Variants in ROBO2 observed in about 807,000 individuals in gnomAD.
ROBO2 encodes roundabout guidance receptor 2, also known as roundabout homolog 2.
ROBO2 carries 53 observed loss-of-function variants against 160.8 expected under a neutral mutation model. That is an observed-to-expected ratio of 0.33 (90% CI 0.26 to 0.41). The LOEUF (loss-of-function observed/expected upper bound fraction) is 0.41. ROBO2 is among the 10% of genes least tolerant of loss of function. ROBO2 has a pLI of 1.00. For synonymous variants in ROBO2, 664 were observed against 611.7 expected, an observed-to-expected ratio of 1.09 and a Z score of -1.26; for missense variants, 1,577 against 1,722.4, an observed-to-expected ratio of 0.92 and a Z score of 1.49.
At chr3:76,805,326 C>T (rs530683615) in intron 2 of ROBO2, among the ~76,000 whole-genome samples, 1 of 152,080 alleles carries the variant, frequency 6.6e-6, no homozygotes, top group South Asian at 2.1e-4. Flanking sequence ...GGAATATCTA[C>T]TTTTCTTTTA....
intron 14 of ROBO2, among the ~76,000 whole-genome samples, chr3:77,575,361 TA>T (rs993980941): frequency 6.6e-6 from 1 of 151,856 alleles, no homozygotes; most frequent in African/African-American, 2.4e-5. Context: ...TCATTAAAGT[TA>T]AAAAAAAGGA....
chr3:77,160,876 T>C (rs1283856794), intron 2 of ROBO2, among the ~76,000 whole-genome samples: 12 of 152,206 alleles, frequency 7.9e-5, no homozygotes, highest in Non-Finnish European at 1.5e-4. Context: ...TAAAATTGTA[T>C]GTTGATTTTG....
chr3:77,235,857 G>A (rs1207125641), intron 2 of ROBO2, among the ~76,000 whole-genome samples: 1 of 152,004 alleles, frequency 6.6e-6, no homozygotes, highest in African/African-American at 2.4e-5. Flanking sequence ...ACATACATAG[G>A]CCCCCTCACT....
chr3:76,836,832 T>C (rs2109433514), intron 2 of ROBO2, among the ~76,000 whole-genome samples: 1 of 152,028 alleles, frequency 6.6e-6, no homozygotes, highest in African/African-American at 2.4e-5. Context: ...AAACATTCCT[T>C]AAAAACTTGA....
At chr3:76,072,892 C>CAAA (rs1559888404) in intron 2 of ROBO2, among the ~76,000 whole-genome samples, 1 of 152,172 alleles carries the variant, frequency 6.6e-6, no homozygotes, top group Non-Finnish European at 1.5e-5. Flanking sequence ...CCTATTCAGA[C>CAAA]CTCTGTTTCC....
At chr3:77,581,819 G>A (rs760460039) in intron 16 of ROBO2, among the ~76,000 whole-genome samples, 26 of 151,890 alleles carry the variant, frequency 1.7e-4, no homozygotes, top group African/African-American at 5.6e-4. Context: ...TTCTATTTGC[G>A]CTCTTAATTA....
chr3:76,388,133 T>C (rs1025600502), intron 2 of ROBO2, among the ~76,000 whole-genome samples: 2 of 151,170 alleles, frequency 1.3e-5, no homozygotes, highest in African/African-American at 4.9e-5. Flanking sequence ...ACTTGTCCCT[T>C]TGTAGATCTC....
At chr3:77,563,168 G>T (rs1469426583) in exon 11 of ROBO2, 1 of 1,613,050 alleles carries the variant, frequency 6.2e-7, no homozygotes, top group South Asian at 1.1e-5. Flanking sequence ...CCTCTATAGA[G>T]TCTGGAGCAA....
intron 2 of ROBO2, among the ~76,000 whole-genome samples, chr3:76,049,403 A>ATATTTTTTTTTTTT (rs1414664360): frequency 1.9e-5 from 1 of 53,752 alleles, no homozygotes; most frequent in African/African-American, 1.5e-4. Context: ...ATATATATAT[A>ATATTTTTTTTTTTT]TTTTTTTTTT....
chr3:76,856,076 A>G (rs1482227628), intron 2 of ROBO2, among the ~76,000 whole-genome samples: 1 of 152,200 alleles, frequency 6.6e-6, no homozygotes, highest in Non-Finnish European at 1.5e-5. Context: ...CAGAAGCCCC[A>G]TGAGCAGATA....
At chr3:76,199,238 G>C (rs1472831831) in intron 2 of ROBO2, among the ~76,000 whole-genome samples, 1 of 152,106 alleles carries the variant, frequency 6.6e-6, no homozygotes, top group Non-Finnish European at 1.5e-5. Context: ...GTAAGTGAGA[G>C]AAAGCCACCT....
chr3:75,945,389 A>T (rs1024128433), intron 2 of ROBO2, among the ~76,000 whole-genome samples: 3 of 152,166 alleles, frequency 2.0e-5, no homozygotes, highest in Non-Finnish European at 2.9e-5. Context: ...AGTTTGGAGT[A>T]GTAGAAGATT....
chr3:76,243,875 A>G (rs780461909), intron 2 of ROBO2, among the ~76,000 whole-genome samples: 1 of 152,234 alleles, frequency 6.6e-6, no homozygotes, highest in Admixed American at 6.5e-5. Context: ...GTGTTTATTC[A>G]TACAGTATAG....
intron 2 of ROBO2, among the ~76,000 whole-genome samples, chr3:76,309,968 C>T (rs570930694): frequency 3.2e-4 from 49 of 152,074 alleles, no homozygotes; most frequent in African/African-American, 9.6e-4. Flanking sequence ...GAACTACAGG[C>T]GTACCACCAT....
intron 2 of ROBO2, among the ~76,000 whole-genome samples, chr3:76,034,660 T>C (rs189631716): frequency 1.3e-5 from 2 of 152,240 alleles, no homozygotes; most frequent in African/African-American, 4.8e-5. Flanking sequence ...CTACAGTAAC[T>C]TCTTCTTGTC....
chr3:77,431,562 G>T (rs2078773914), intron 2 of ROBO2, among the ~76,000 whole-genome samples: 1 of 152,114 alleles, frequency 6.6e-6, no homozygotes, highest in Admixed American at 6.5e-5. Context: ...TGCCTGAAAT[G>T]ACATAGTCGC....
At chr3:76,444,115 G>A (rs374010229) in intron 2 of ROBO2, among the ~76,000 whole-genome samples, 38 of 152,014 alleles carry the variant, frequency 2.5e-4, no homozygotes, top group Admixed American at 9.8e-4. Context: ...ATAGGCATGC[G>A]CCACCACGCC....
chr3:77,224,174 T>C (rs1580156321), intron 2 of ROBO2, among the ~76,000 whole-genome samples: 1 of 152,012 alleles, frequency 6.6e-6, no homozygotes, highest in Non-Finnish European at 1.5e-5. Context: ...TTTTGACAAA[T>C]GTGATGCCTA....
In ROBO2 at chr3:76,746,829, C is replaced by T. The variant is rs1331255749; in HGVS notation, c.110-351185C>T. ...CACCACTCCATCCTCTGACAAGCCC[C>T]AGTGTTTGTTGTTACGCTCCCTGTG... is the stretch of plus-strand genomic sequence containing the variant. On this transcript the variant is annotated intron_variant, in intron 2 of 26. Coordinates refer to the ROBO2 transcript ENST00000487694. 3.3e-5 allele frequency among the ~76,000 whole-genome samples: 5 copies of T among 152,064 alleles called. No homozygotes were observed. The East Asian group carries it at 9.7e-4, about 29-fold the overall frequency.
Sources: allele counts gnomAD v4.1 joint callset (sites outside exome capture counted in the v4.1 genomes callset), GRCh38; gene constraint gnomAD v4.1.1; transcripts MANE v1.5; gene names NCBI Gene and HGNC (gene_info 2026-07-23, HGNC 2026-07-21).